The following ANK3 variants were observed in gnomAD, a reference collection of about 807,000 sequenced individuals.
ANK3 encodes ankyrin 3.
In ANK3, 57 loss-of-function variants were observed where a neutral mutation model predicts 370.9. The observed-to-expected ratio is 0.15, with a 90% confidence interval of 0.12 to 0.19. ANK3 has a LOEUF of 0.19. Ranked by LOEUF, ANK3 falls within the 10% of genes least tolerant of loss-of-function variation. ANK3 has a pLI of 1.00. For synonymous variants in ANK3, 1,929 were observed against 1,946.3 expected (o/e 0.99, Z 0.23); for missense variants, 4,439 against 5,302.1 (o/e 0.84, Z 5.06).
intron 1 of ANK3, among the ~76,000 whole-genome samples, chr10:60,345,142 G>A (rs749475613): frequency 6.6e-6 from 1 of 152,132 alleles, no homozygotes; most frequent in Non-Finnish European, 1.5e-5. Flanking sequence ...CCTCAACTGA[G>A]CATTAAACTA....
chr10:60,555,733 G>A (rs1007199459), intron 2 of ANK3, among the ~76,000 whole-genome samples: 10 of 152,026 alleles, frequency 6.6e-5, no homozygotes, highest in African/African-American at 2.4e-4. Context: ...TGCACTAACT[G>A]CATATTTTTA....
At chr10:60,690,761 G>A (rs1341073333) in intron 1 of ANK3, among the ~76,000 whole-genome samples, 1 of 152,126 alleles carries the variant, frequency 6.6e-6, no homozygotes, top group Non-Finnish European at 1.5e-5. Flanking sequence ...CCTCCTTTGA[G>A]TGATTTAACC....
Position 60,718,132 on chromosome 10 carries a change from G to A in ANK3, c.57+15131C>T, listed in dbSNP as rs542771939. On this transcript the variant is annotated intron_variant, in intron 1 of 43. Coordinates refer to the ANK3 transcript ENST00000373827. ...TCTGAGACTTAGCTATTTGTTACAA[G>A]AATATATGCTGTTTGGTTGTAGTTT... Among the ~76,000 whole-genome samples, 50 of 152,322 alleles carry A rather than the reference G, an allele frequency of 3.3e-4. No homozygotes were observed. In the South Asian group the frequency reaches 7.2e-3, roughly 22 times the overall value.
intron 1 of ANK3, among the ~76,000 whole-genome samples, chr10:60,334,675 C>T (rs1471326169): frequency 1.3e-5 from 2 of 152,072 alleles, no homozygotes; most frequent in Admixed American, 6.6e-5. Flanking sequence ...TTTTATGATG[C>T]AGTAAAATTT....
chr10:60,495,265 G>T (rs1016586914), intron 2 of ANK3, among the ~76,000 whole-genome samples: 3 of 152,124 alleles, frequency 2.0e-5, no homozygotes, highest in South Asian at 2.1e-4. Flanking sequence ...TGAGGTTAAG[G>T]CTCATGCTAT....
Position 60,070,541 on chromosome 10 carries a change from T to C in ANK3, c.10340A>G (p.Asn3447Ser), listed in dbSNP as rs1437361566. The C allele has an allele frequency of 6.2e-7, 1 of 1,614,200 alleles. No individual in the cohort carries two copies. The stretch of plus-strand genomic sequence containing the variant: ...AGCTGGCTTCAGAATGCCCTCTGTG[T>C]TCCAGATATCTTTCTTAATTTCCAT... Reference protein sequence around the residue: ...QAMEIKKDIWNTEGILKPADR... With the variant: ...QAMEIKKDIWSTEGILKPADR... The change falls in exon 37 of 44, where the codon AAC (asparagine) becomes AGC (serine). Residue 3447 changes from asparagine to serine, a missense_variant. Asn to Ser is a conservative substitution (Grantham distance 46). Coordinates refer to ENST00000280772, the MANE Select transcript of ANK3 (RefSeq NM_020987.5). The surrounding 1 kb of genome is among the most constrained non-coding windows in gnomAD (Gnocchi z 5.7).
chr10:60,435,083 G>A (rs923788199), intron 2 of ANK3, among the ~76,000 whole-genome samples: 1 of 152,116 alleles, frequency 6.6e-6, no homozygotes, highest in Non-Finnish European at 1.5e-5. Context: ...CTTGAGAACG[G>A]TGTTACTTTA....
chr10:60,253,571 A>C (rs2097696918), intron 7 of ANK3, among the ~76,000 whole-genome samples: 1 of 152,230 alleles, frequency 6.6e-6, no homozygotes, highest in Non-Finnish European at 1.5e-5. Context: ...ATAAGAGCAA[A>C]TCTATGTAAA....
intron 1 of ANK3, among the ~76,000 whole-genome samples, chr10:60,731,583 A>G (rs1033207708): frequency 6.6e-6 from 1 of 152,228 alleles, no homozygotes; most frequent in African/African-American, 2.4e-5. Context: ...TGATTTGGAG[A>G]TATTCAAAGG....
At chr10:60,137,782 A>G (rs752180267) in intron 24 of ANK3, among the ~76,000 whole-genome samples, 2 of 152,176 alleles carry the variant, frequency 1.3e-5, no homozygotes, top group Non-Finnish European at 2.9e-5. Context: ...GTCATATATT[A>G]TCAGAAGAAC....
At chr10:60,639,099 T>C (rs913917654) in intron 1 of ANK3, among the ~76,000 whole-genome samples, 3 of 151,790 alleles carry the variant, frequency 2.0e-5, no homozygotes, top group Non-Finnish European at 2.9e-5. Context: ...TAAAGAGTGA[T>C]AAAATGATAA....
At chr10:60,411,931 A>C (rs902906635) in intron 2 of ANK3, among the ~76,000 whole-genome samples, 2 of 152,198 alleles carry the variant, frequency 1.3e-5, no homozygotes, top group Admixed American at 6.5e-5. Flanking sequence ...TCCCAGCTGC[A>C]TACTGCCTAG....
intron 42 of ANK3, among the ~76,000 whole-genome samples, chr10:60,053,420 C>CA (rs1412588496): frequency 6.6e-6 from 1 of 152,064 alleles, no homozygotes; most frequent in African/African-American, 2.4e-5. Context: ...CATAATCCTA[C>CA]AAAAAAATCA....
At chr10:60,626,743 T>A (rs2078415859) in intron 1 of ANK3, among the ~76,000 whole-genome samples, 1 of 152,120 alleles carries the variant, frequency 6.6e-6, no homozygotes, top group Admixed American at 6.6e-5. Flanking sequence ...GACACCTGCT[T>A]TAAAAGACAG....
At chr10:60,515,920 A>G (rs138861875) in intron 2 of ANK3, among the ~76,000 whole-genome samples, 5 of 152,288 alleles carry the variant, frequency 3.3e-5, no homozygotes, top group African/African-American at 1.2e-4. Context: ...ATAAACACCA[A>G]GTAAATGCAT....
At chr10:60,704,162 T>C (rs1337851536) in intron 1 of ANK3, among the ~76,000 whole-genome samples, 2 of 152,190 alleles carry the variant, frequency 1.3e-5, no homozygotes, top group African/African-American at 4.8e-5. Context: ...TAATTCTACA[T>C]TGCCAGATAA....
chr10:60,636,858 AAAAC>A (rs774043117), intron 1 of ANK3, among the ~76,000 whole-genome samples: 2 of 152,252 alleles, frequency 1.3e-5, no homozygotes, highest in Non-Finnish European at 1.5e-5. Flanking sequence ...AGAAGTAAGA[AAAAC>A]AAAGCCAATG....
At chr10:60,378,160 T>C (rs1193259083) in intron 1 of ANK3, among the ~76,000 whole-genome samples, 1 of 152,166 alleles carries the variant, frequency 6.6e-6, no homozygotes, top group Non-Finnish European at 1.5e-5. Context: ...AAGAAAAGAA[T>C]GTGGTAAAGT....
Position 60,027,681 on chromosome 10 carries a change from C to G in ANK3, c.*2165G>C, listed in dbSNP as rs972197560. On this transcript the variant is annotated 3_prime_UTR_variant, in exon 44 of 44. Coordinates refer to ENST00000280772, the MANE Select transcript of ANK3 (RefSeq NM_020987.5). ...CAGAGAATAGCATGTAGTGAGCACT[C>G]CAGTTTTAGTGATGATGATCACAGT... 2 of 152,126 alleles carry G rather than the reference C, an allele frequency of 1.3e-5. No homozygotes were observed. The highest frequency in any genetic ancestry group is 4.8e-5 in the African/African-American group (2 of 41,408). 9.4% of individuals were successfully genotyped at this position (152,126 alleles called of 1,614,324 possible).
Sources: allele counts gnomAD v4.1 joint callset (sites outside exome capture counted in the v4.1 genomes callset), GRCh38; gene constraint gnomAD v4.1.1; non-coding constraint Gnocchi (gnomAD v3.1); transcripts MANE v1.5; gene names NCBI Gene and HGNC (gene_info 2026-07-23, HGNC 2026-07-21).